The following ELOVL5 variants were observed in gnomAD, a reference collection of about 807,000 sequenced individuals.
The protein encoded by ELOVL5 is very long chain fatty acid elongase 5.
Under a neutral mutation model 38.6 loss-of-function variants are expected in ELOVL5, and 8 were observed. The observed-to-expected ratio is 0.21, with a 90% CI of 0.12 to 0.37. The LOEUF (loss-of-function observed/expected upper bound fraction) is 0.37. Ranked by LOEUF, ELOVL5 falls within the 10% of genes least tolerant of loss-of-function variation. The pLI is 1.00. For missense variants in ELOVL5, 280 were observed against 367.8 expected, an observed-to-expected ratio of 0.76 and a Z score of 1.95; for synonymous variants, 127 against 133.7, an observed-to-expected ratio of 0.95 and a Z score of 0.34.
chr6:53,347,528 G>A (rs1275092817), intron 1 of ELOVL5, among the ~76,000 whole-genome samples: 1 of 152,160 alleles, frequency 6.6e-6, no homozygotes, highest in African/African-American at 2.4e-5. Context: ...TCTGCCAAGC[G>A]GTTAGGAGAA....
chr6:53,294,003 C>T, intron 2 of ELOVL5: 1 of 897,232 alleles, frequency 1.1e-6, no homozygotes, highest in South Asian at 4.1e-5. Flanking sequence ...TTAAGAAAAC[C>T]AGTTCCCACT....
intron 1 of ELOVL5, among the ~76,000 whole-genome samples, chr6:53,344,754 A>T (rs183047475): frequency 6.6e-6 from 1 of 151,356 alleles, no homozygotes; most frequent in African/African-American, 2.4e-5. Flanking sequence ...CTTTTCTTCC[A>T]CTCCTGCCTT....
chr6:53,328,809 G>A (rs1318301074), intron 1 of ELOVL5, among the ~76,000 whole-genome samples: 1 of 152,162 alleles, frequency 6.6e-6, no homozygotes, highest in Non-Finnish European at 1.5e-5. Context: ...ATGCTACACT[G>A]AGACCTTAAT....
chr6:53,347,461 G>A (rs1769601885), intron 1 of ELOVL5, among the ~76,000 whole-genome samples: 1 of 152,172 alleles, frequency 6.6e-6, no homozygotes, highest in Admixed American at 6.5e-5. Flanking sequence ...TGTAGATTCT[G>A]CACGAAATGC....
chr6:53,306,955 C>T (rs913079547), intron 1 of ELOVL5, among the ~76,000 whole-genome samples: 1 of 152,140 alleles, frequency 6.6e-6, no homozygotes, highest in Admixed American at 6.5e-5. Context: ...CTAATTAATG[C>T]CCACAAGGCT....
Position 53,275,073 on chromosome 6 carries a change from C to T in ELOVL5, c.496+17G>A, listed in dbSNP as rs773745833. On this transcript the variant is annotated intron_variant, in intron 5 of 7. Transcript: ENST00000304434. ...CTGCTCACACCTGTTCCCCAAGTCC[C>T]CGTCTCTAATACTTACAGTGGCCGC... The T allele has an allele frequency of 8.7e-6, 14 of 1,611,950 alleles. No individual in the cohort carries two copies. In the East Asian group the frequency reaches 2.5e-4, roughly 28 times the overall value.
At chr6:53,276,790 C>T (rs536622456) in intron 3 of ELOVL5, among the ~76,000 whole-genome samples, 1 of 152,210 alleles carries the variant, frequency 6.6e-6, no homozygotes, top group South Asian at 2.1e-4. Context: ...GGAAACCATA[C>T]TTTGAGAACC....
intron 1 of ELOVL5, among the ~76,000 whole-genome samples, chr6:53,326,344 G>C (rs9296709): frequency 0.014 from 2,112 of 152,184 alleles, 63 homozygotes; most frequent in African/African-American, 0.048. Flanking sequence ...CTTGCCTGAA[G>C]CTTTTTGTCA....
chr6:53,271,906 C>T (rs1765945052), intron 6 of ELOVL5, among the ~76,000 whole-genome samples: 1 of 152,188 alleles, frequency 6.6e-6, no homozygotes, highest in Non-Finnish European at 1.5e-5. Flanking sequence ...CCAGTCTGTT[C>T]TTTTAAATTC....
chr6:53,305,733 C>G (rs1446437592), intron 1 of ELOVL5, among the ~76,000 whole-genome samples: 1 of 150,594 alleles, frequency 6.6e-6, no homozygotes, highest in Non-Finnish European at 1.5e-5. Flanking sequence ...GGCAGCCAGG[C>G]AGAGGGTCTC....
At chr6:53,333,058 T>C (rs1768876765) in intron 1 of ELOVL5, among the ~76,000 whole-genome samples, 1 of 152,168 alleles carries the variant, frequency 6.6e-6, no homozygotes, top group Non-Finnish European at 1.5e-5. Flanking sequence ...AATAAGAATC[T>C]GGGAGTGACA....
rs2127575400 is a variant in ELOVL5 at position 53,294,546 on chromosome 6, C to T, written c.58+1096G>A. 3.3e-6 allele frequency: 5 copies of T among 1,499,708 alleles called. No individual in the cohort carries two copies. In the South Asian group the frequency reaches 3.8e-5, roughly 12 times the overall value. 92.9% of individuals were successfully genotyped at this position (1,499,708 alleles called of 1,614,324 possible). A position where few individuals can be genotyped will look rare whatever the true frequency, so the allele number is the denominator to read the frequency against. Reference sequence around the variant, plus strand: ...AACAAGGATCCTTGGTTACATCATACAGTCCCTGAAATAACTACGGAATTG... The same window carrying T: ...AACAAGGATCCTTGGTTACATCATATAGTCCCTGAAATAACTACGGAATTG... On this transcript the variant is annotated intron_variant, in intron 2 of 7. Coordinates refer to ENST00000304434, the MANE Select transcript of ELOVL5 (RefSeq NM_021814.5).
rs1454090723 is a variant in ELOVL5 at position 53,348,833 on chromosome 6, C to T, written c.-25G>A. 8.7e-6 allele frequency: 4 copies of T among 457,376 alleles called. No homozygotes were observed. Among genetic ancestry groups the T allele is most frequent in the Non-Finnish European group, 1.8e-5 (4 of 227,540 alleles). The allele number at this position is 457,376 out of a possible 1,614,324, so 28.3% of individuals were successfully genotyped here. ...CGGCTTTACCTTTTAGCCCAAGGGG[C>T]GGCAGCAGCTTTGAGCAGCAGCAAG... On this transcript the variant is annotated 5_prime_UTR_variant, in exon 1 of 8. Coordinates refer to ENST00000304434, the MANE Select transcript of ELOVL5 (RefSeq NM_021814.5).
chr6:53,275,216 A>G lies in ELOVL5; in HGVS notation c.370T>C (p.Phe124Leu), dbSNP rs759103784. 2.5e-6 allele frequency: 4 copies of G among 1,614,072 alleles called. No homozygotes were observed. The highest frequency in any genetic ancestry group is 2.7e-5 in the African/African-American group (2 of 74,916). ...AGGATGAAGAAGAAAGTGTCCATAA[A>G]TTCTATGAGTTTGGAGAAGTAGTAC... is the stretch of plus-strand genomic sequence containing the variant. ...WWYYFSKLIE[F>L]MDTFFFILRK... Residue 124 changes from phenylalanine to leucine, a missense_variant, in exon 5 of 8, where the codon TTT becomes CTT. Around this residue, in one of 3 missense-constraint regions of ELOVL5, gnomAD observed 150 missense variants for 178.0 expected, o/e 0.84. Coordinates refer to ENST00000304434, the MANE Select transcript of ELOVL5 (RefSeq NM_021814.5).
chr6:53,329,302 T>C (rs1031195736), intron 1 of ELOVL5, among the ~76,000 whole-genome samples: 16 of 152,184 alleles, frequency 1.1e-4, no homozygotes, highest in African/African-American at 3.9e-4. Context: ...GAAAAATATA[T>C]ACTTTATTAT....
At chr6:53,324,232 G>A (rs1217940590) in intron 1 of ELOVL5, among the ~76,000 whole-genome samples, 2 of 121,920 alleles carry the variant, frequency 1.6e-5, no homozygotes, top group East Asian at 2.3e-4. Context: ...CAGCCTGGGA[G>A]ACAGAACGAG....
At chr6:53,321,171 C>G (rs924075951) in intron 1 of ELOVL5, among the ~76,000 whole-genome samples, 1 of 152,156 alleles carries the variant, frequency 6.6e-6, no homozygotes, top group Admixed American at 6.5e-5. Flanking sequence ...AGGTCATACT[C>G]GCAATTGACA....
chr6:53,315,020 G>T (rs1767974647), intron 1 of ELOVL5, among the ~76,000 whole-genome samples: 2 of 152,228 alleles, frequency 1.3e-5, no homozygotes, highest in African/African-American at 2.4e-5. Context: ...GGTTGGAGAA[G>T]AAAAGGAGAG....
chr6:53,311,617 T>C (rs1409353640), intron 1 of ELOVL5, among the ~76,000 whole-genome samples: 1 of 152,212 alleles, frequency 6.6e-6, no homozygotes. Flanking sequence ...AAACAAAATG[T>C]TGTACATTCA....
Sources: allele counts gnomAD v4.1 joint callset (sites outside exome capture counted in the v4.1 genomes callset), GRCh38; gene constraint gnomAD v4.1.1; regional missense constraint gnomAD v4.1.1; transcripts MANE v1.5; gene names NCBI Gene and HGNC (gene_info 2026-07-23, HGNC 2026-07-21).